Variants in ZFHX3 observed in about 807,000 individuals in gnomAD.
The protein encoded by ZFHX3 is zinc finger homeobox protein 3.
In ZFHX3, 42 loss-of-function variants were observed where a neutral mutation model predicts 279.1. That is an observed-to-expected ratio of 0.15 (90% confidence interval 0.12 to 0.19). The LOEUF is 0.19. ZFHX3 is among the 10% of genes least tolerant of loss of function. The pLI is 1.00. For synonymous variants in ZFHX3, 2,293 were observed against 1,957.8 expected, an observed-to-expected ratio of 1.17 and a Z score of -4.52; for missense variants, 4,981 against 4,754.0, an observed-to-expected ratio of 1.05 and a Z score of -1.40.
Position 73,481,893 on chromosome 16 carries a change from T to C in ZFHX3, c.-1546-25635A>G, listed in dbSNP as rs370641718. On this transcript the variant is annotated intron_variant, in intron 2 of 17. Coordinates refer to the ZFHX3 transcript ENST00000641206. ...CCCAGAAATGCACGGTCATGGGTTATGTCAGCCCAGGGAGGGTGAGAAAGG... is the reference window on the plus strand; with the variant it reads ...CCCAGAAATGCACGGTCATGGGTTACGTCAGCCCAGGGAGGGTGAGAAAGG... 1.1e-4 allele frequency among the ~76,000 whole-genome samples: 16 copies of C among 152,256 alleles called. No individual in the cohort carries two copies. The East Asian group carries it at 2.9e-3, about 28-fold the overall frequency.
At chr16:73,588,891 C>G (rs943477751) in intron 2 of ZFHX3, among the ~76,000 whole-genome samples, 1 of 151,792 alleles carries the variant, frequency 6.6e-6, no homozygotes. Context: ...TAGACAGAGA[C>G]AGAGAGACAG....
intron 3 of ZFHX3, among the ~76,000 whole-genome samples, chr16:72,913,767 T>G (rs552695490): frequency 1.3e-5 from 2 of 152,332 alleles, no homozygotes; most frequent in Non-Finnish European, 2.9e-5. Flanking sequence ...CTTCTCTTTA[T>G]GCAAACAAAG....
rs150043800 is a variant in ZFHX3 at position 72,959,339 on chromosome 16, G to A, written c.807C>T (p.Phe269=). The A allele has an allele frequency of 4.1e-4, 658 of 1,614,216 alleles. 1 individual carries two copies. In the African/African-American group the frequency reaches 6.4e-3, roughly 16 times the overall value. Residue 269 remains phenylalanine (F), a synonymous_variant, in exon 2 of 10, where the codon TTC becomes TTT. Coordinates refer to ENST00000268489, the MANE Select transcript of ZFHX3 (RefSeq NM_006885.4). ...TCTTGCCATAGAGCACAAAGCCATCGAATTTGGACAGGTCCACATTGTTGG... is the reference window on the plus strand; with the variant it reads ...TCTTGCCATAGAGCACAAAGCCATCAAATTTGGACAGGTCCACATTGTTGG... ...DVPNNVDLSK[F]DGFVLYGKRK...
chr16:73,442,360 T>C (rs1220446199), intron 3 of ZFHX3, among the ~76,000 whole-genome samples: 3 of 147,920 alleles, frequency 2.0e-5, no homozygotes, highest in Non-Finnish European at 3.0e-5. Flanking sequence ...TCCCATTTCC[T>C]CTTTTTTTTT....
intron 4 of ZFHX3, among the ~76,000 whole-genome samples, chr16:72,853,889 T>G (rs1180569857): frequency 6.6e-6 from 1 of 150,932 alleles, no homozygotes; most frequent in Non-Finnish European, 1.5e-5. Flanking sequence ...AAAGTGTAGC[T>G]GCTGTCAAGG....
intron 1 of ZFHX3, among the ~76,000 whole-genome samples, chr16:73,024,031 A>G (rs1049828324): frequency 6.6e-6 from 1 of 152,184 alleles, no homozygotes; most frequent in African/African-American, 2.4e-5. Flanking sequence ...CCATTAAACA[A>G]CATGCACATG....
At chr16:72,849,544 C>G (rs778736488) in intron 4 of ZFHX3, among the ~76,000 whole-genome samples, 2 of 152,216 alleles carry the variant, frequency 1.3e-5, no homozygotes, top group Admixed American at 6.5e-5. Flanking sequence ...ACTCATGGCA[C>G]TAACCAGTGC....
At chr16:73,839,690 GA>G (rs1385948581) in intron 1 of ZFHX3, among the ~76,000 whole-genome samples, 1 of 152,158 alleles carries the variant, frequency 6.6e-6, no homozygotes, top group African/African-American at 2.4e-5. Context: ...GTCAAAGAAA[GA>G]AGGAGGTACC....
chr16:73,365,489 AAT>A (rs2016514159), intron 3 of ZFHX3, among the ~76,000 whole-genome samples: 1 of 152,222 alleles, frequency 6.6e-6, no homozygotes, highest in African/African-American at 2.4e-5. Flanking sequence ...CAAGCCAAAT[AAT>A]ATCTCATTAA....
At chr16:73,319,499 C>A (rs1042326572) in intron 3 of ZFHX3, among the ~76,000 whole-genome samples, 102 of 152,134 alleles carry the variant, frequency 6.7e-4, no homozygotes, top group South Asian at 2.3e-3. Flanking sequence ...GCTGTGGTCA[C>A]CAGGCCCAGA....
chr16:73,025,827 A>G (rs1344334487), intron 1 of ZFHX3, among the ~76,000 whole-genome samples: 1 of 152,226 alleles, frequency 6.6e-6, no homozygotes, highest in Non-Finnish European at 1.5e-5. Context: ...TAAAAATCAC[A>G]GCAGTCACTG....
intron 1 of ZFHX3, among the ~76,000 whole-genome samples, chr16:72,985,532 T>G (rs1000183846): frequency 6.6e-6 from 1 of 152,192 alleles, no homozygotes; most frequent in Admixed American, 6.5e-5. Flanking sequence ...CTGGACAGAC[T>G]CAAGGCAGGG....
At chr16:73,342,271 A>G (rs2016045783) in intron 3 of ZFHX3, among the ~76,000 whole-genome samples, 2 of 152,154 alleles carry the variant, frequency 1.3e-5, no homozygotes, top group African/African-American at 4.8e-5. Context: ...TAACAAAACT[A>G]CGTATTTGTA....
intron 5 of ZFHX3, among the ~76,000 whole-genome samples, chr16:73,196,121 A>T (rs1197686434): frequency 7.2e-6 from 1 of 139,588 alleles, no homozygotes; most frequent in Non-Finnish European, 1.5e-5. Context: ...TACCATTATT[A>T]TCAAGTGCCA....
intron 3 of ZFHX3, among the ~76,000 whole-genome samples, chr16:72,900,582 G>A (rs1282953128): frequency 1.3e-5 from 2 of 152,184 alleles, no homozygotes; most frequent in Non-Finnish European, 2.9e-5. Context: ...TTGCTTCGTC[G>A]CTTCTGATGG....
chr16:73,264,337 TG>T (rs143446252), intron 4 of ZFHX3, among the ~76,000 whole-genome samples: 1,774 of 152,326 alleles, frequency 0.012, 35 homozygotes, highest in African/African-American at 0.04. Flanking sequence ...AAGGGTTTCC[TG>T]GTTTCCATTA....
intron 7 of ZFHX3, among the ~76,000 whole-genome samples, chr16:73,103,815 A>G (rs886302142): frequency 6.6e-6 from 1 of 151,952 alleles, no homozygotes; most frequent in Admixed American, 6.6e-5. Context: ...AGGCCTCTTT[A>G]CAGAGACATT....
Position 73,337,246 on chromosome 16 carries a change from T to C in ZFHX3, c.-1290-18910A>G, listed in dbSNP as rs560744141. On this transcript the variant is annotated intron_variant, in intron 3 of 17. Transcript: ENST00000641206. The stretch of plus-strand genomic sequence containing the variant: ...CCATTCCTAACCTCCCAAATCCTTA[T>C]CCTACGTCCTGTGGGACTCCTGTTC... 2.0e-5 allele frequency among the ~76,000 whole-genome samples: 3 copies of C among 152,242 alleles called. No homozygotes were observed. In the East Asian group the frequency reaches 5.8e-4, roughly 29 times the overall value.
At chr16:73,761,338 A>G (rs2053864104) in intron 1 of ZFHX3, among the ~76,000 whole-genome samples, 1 of 152,206 alleles carries the variant, frequency 6.6e-6, no homozygotes, top group African/African-American at 2.4e-5. Context: ...GTAAGAGAGG[A>G]CAGATGGAAA....
Sources: allele counts gnomAD v4.1 joint callset (sites outside exome capture counted in the v4.1 genomes callset), GRCh38; gene constraint gnomAD v4.1.1; transcripts MANE v1.5; gene names NCBI Gene and HGNC (gene_info 2026-07-23, HGNC 2026-07-21).